CHRNA4: variants seen among roughly 807,000 people sequenced by gnomAD.
CHRNA4 encodes the protein cholinergic receptor nicotinic alpha 4 subunit.
A neutral mutation model predicts 48.9 loss-of-function variants in CHRNA4; 28 were observed. The observed-to-expected ratio is 0.57, with a 90% CI of 0.42 to 0.79. The LOEUF is 0.79. Among genes scored for constraint, CHRNA4 ranks in the 30% least tolerant of loss-of-function variants. The pLI is 0.00. For synonymous variants in CHRNA4, 425 were observed against 402.3 expected, an observed-to-expected ratio of 1.06 and a Z score of -0.68; for missense variants, 859 against 898.4, an observed-to-expected ratio of 0.96 and a Z score of 0.56.
At chr20:63,359,741 C>A (rs1442249123) in intron 1 of CHRNA4, 42 bp from the exon 2 acceptor site, 1 of 1,602,124 alleles carries the variant, frequency 6.2e-7, no homozygotes, top group Admixed American at 1.7e-5. Context: ...GCAGGCGGGA[C>A]AGGAGCCGGG....
At chr20:63,349,160 C>G (rs568847986) in intron 5 of CHRNA4, among the ~76,000 whole-genome samples, 1 of 152,304 alleles carries the variant, frequency 6.6e-6, no homozygotes, top group South Asian at 2.1e-4. Context: ...CCTCCTGCCA[C>G]CAGCCCATCC....
chr20:63,355,031 G>A (rs1375689451), intron 4 of CHRNA4, among the ~76,000 whole-genome samples: 1 of 152,162 alleles, frequency 6.6e-6, no homozygotes, highest in Non-Finnish European at 1.5e-5. Context: ...TAGGTCAGGC[G>A]GGTGCCCTGG....
At position 63,360,839 on chromosome 20, in the gene CHRNA4, AC is replaced by A. The variant is rs374280137; in HGVS notation, c.76+250del. ...GGGCCAGCCCTGAAATAGCAGCGGA[AC>A]CCCCCACACCCCGCGGAAAGCCCCT... On this transcript the variant is annotated intron_variant, in intron 1 of 5. Coordinates refer to ENST00000370263, the MANE Select transcript of CHRNA4 (RefSeq NM_000744.7). 9.9e-4 allele frequency: 389 copies of A among 392,240 alleles called. 1 individual carries two copies. The highest frequency in any genetic ancestry group is 7.3e-3 in the African/African-American group (350 of 47,942). 24.3% of individuals were successfully genotyped at this position (392,240 alleles called of 1,614,324 possible).
At chr20:63,359,987 T>C in intron 1 of CHRNA4, 1 of 416,534 alleles carries the variant, frequency 2.4e-6, no homozygotes, top group Non-Finnish European at 4.5e-6. Flanking sequence ...CCCCTGGGTG[T>C]AATTGTGATT....
At chr20:63,358,298 T>C (rs1343157220) in intron 2 of CHRNA4, among the ~76,000 whole-genome samples, 1 of 152,008 alleles carries the variant, frequency 6.6e-6, no homozygotes, top group Non-Finnish European at 1.5e-5. Context: ...TCCCCACACC[T>C]CCCAAAAGCC....
chr20:63,352,030 G>A (rs1056546314), intron 4 of CHRNA4, among the ~76,000 whole-genome samples: 3 of 152,206 alleles, frequency 2.0e-5, no homozygotes, highest in Admixed American at 1.3e-4. Context: ...CCCAGCGTTG[G>A]CAGGCATGGG....
Position 63,344,541 on chromosome 20 carries a change from AC to A in CHRNA4, c.*2196del, listed in dbSNP as rs1568801996. On this transcript the variant is annotated 3_prime_UTR_variant, in exon 6 of 6. Coordinates refer to ENST00000370263, the MANE Select transcript of CHRNA4 (RefSeq NM_000744.7). The surrounding 1 kb of genome is among the most constrained non-coding windows in gnomAD (Gnocchi z 4.5). ...GGGGTCTTCCCCCAGGCAAGCGGCC[AC>A]CCCCGGCAGGAGGGTCCCCCGGCAG... The A allele has an allele frequency of 4.5e-6, 2 of 449,400 alleles. No homozygotes were observed. Among genetic ancestry groups the A allele is most frequent in the Non-Finnish European group, 8.9e-6 (2 of 225,892 alleles). 27.8% of individuals were successfully genotyped at this position (449,400 alleles called of 1,614,324 possible).
Position 63,343,695 on chromosome 20 carries a change from C to A in CHRNA4, c.*3043G>T. ...AGGGGCTGGGAAGCCCTGGCCAGGG[C>A]CTTCACTGGGGCCTCCCCTGGGAAG... On this transcript the variant is annotated 3_prime_UTR_variant, in exon 6 of 6. Coordinates refer to ENST00000370263, the MANE Select transcript of CHRNA4 (RefSeq NM_000744.7). 1 of 445,808 alleles carries A rather than the reference C, an allele frequency of 2.2e-6. No individual in the cohort carries two copies. The highest frequency in any genetic ancestry group is 4.5e-6 in the Non-Finnish European group (1 of 221,476). 27.6% of individuals were successfully genotyped at this position (445,808 alleles called of 1,614,324 possible). A position where few individuals can be genotyped will look rare whatever the true frequency, so the allele number is the denominator to read the frequency against.
chr20:63,350,197 G>A lies in CHRNA4; in HGVS notation c.1214C>T (p.Ser405Leu), dbSNP rs1568808891. ...TSGTQSLHPP[S>L]PSFCVPLDVP... The stretch of plus-strand genomic sequence containing the variant: ...ATCCAGGGGGACACAGAAGGACGGT[G>A]AGGGCGGGTGCAGGCTCTGGGTGCC... The change falls in exon 5 of 6, where the codon TCA becomes TTA. Residue 405 changes from serine (S) to leucine (L), a missense_variant. Ser to Leu is a moderately radical substitution (Grantham distance 145, BLOSUM62 -2). Coordinates refer to ENST00000370263, the MANE Select transcript of CHRNA4 (RefSeq NM_000744.7). The A allele has an allele frequency of 1.2e-6, 2 of 1,600,152 alleles. No individual in the cohort carries two copies. Among genetic ancestry groups the A allele is most frequent in the Non-Finnish European group, 1.7e-6 (2 of 1,172,694 alleles).
At position 63,345,235 on chromosome 20, in the gene CHRNA4, C is replaced by T. The variant is rs202229457; in HGVS notation, c.*1503G>A. The stretch of plus-strand genomic sequence containing the variant: ...GACAGAGGAATGAGACTCAGTGGGA[C>T]GCAGAGCCCAACCCCATCCCCACCC... On this transcript the variant is annotated 3_prime_UTR_variant, in exon 6 of 6. Transcript: ENST00000370263. The surrounding 1 kb of genome is among the most constrained non-coding windows in gnomAD (Gnocchi z 5.4). 12 of 448,306 alleles carry T rather than the reference C, an allele frequency of 2.7e-5. 1 individual carries two copies. Among genetic ancestry groups the T allele is most frequent in the Non-Finnish European group, 4.9e-5 (11 of 222,512 alleles). 27.8% of individuals were successfully genotyped at this position (448,306 alleles called of 1,614,324 possible).
At position 63,355,476 on chromosome 20, in the gene CHRNA4, A is replaced by T. The variant is rs546972289; in HGVS notation, c.383+499T>A. 3.2e-5 allele frequency: 41 copies of T among 1,268,120 alleles called. 1 individual carries two copies. In the South Asian group the frequency reaches 5.1e-4, roughly 16 times the overall value. 78.6% of individuals were successfully genotyped at this position (1,268,120 alleles called of 1,614,324 possible). A position where few individuals can be genotyped will look rare whatever the true frequency, so the allele number is the denominator to read the frequency against. On this transcript the variant is annotated intron_variant, in intron 4 of 5. Transcript: ENST00000370263. ...AAGCAGAGGCCCTAGTGGCATGAGAACCATCTGGGGCTTCCTCACCCCTCT... is the reference window on the plus strand; with the variant it reads ...AAGCAGAGGCCCTAGTGGCATGAGATCCATCTGGGGCTTCCTCACCCCTCT...
intron 1 of CHRNA4, 172 bp from the exon 2 acceptor site, chr20:63,359,871 G>GTGTGTGTGTGTGCGCGCCGGGCGTGCGC: frequency 7.8e-6 from 4 of 511,646 alleles, no homozygotes; most frequent in Non-Finnish European, 9.8e-6. Context: ...CGTGCGCTCT[G>GTGTGTGTGTGTGCGCGCCGGGCGTGCGC]TGTGTGTGTG....
At position 63,344,562 on chromosome 20, in the gene CHRNA4, C is replaced by T. The variant is rs942235533; in HGVS notation, c.*2176G>A. The T allele has an allele frequency of 1.8e-5, 8 of 453,392 alleles. No homozygotes were observed. The highest frequency in any genetic ancestry group is 4.0e-5 in the African/African-American group (2 of 49,860). The allele number at this position is 453,392 out of a possible 1,614,324, so 28.1% of individuals were successfully genotyped here. On this transcript the variant is annotated 3_prime_UTR_variant, in exon 6 of 6. Transcript: ENST00000370263. This position sits in a 1 kb window ranked among gnomAD's most constrained non-coding sequence, Gnocchi z 4.5. ...GGCCACCCCCGGCAGGAGGGTCCCC[C>T]GGCAGGAGCGTCCCAGCCACTCCGC...
Position 63,346,792 on chromosome 20 carries a change from G to C in CHRNA4, c.1830C>G (p.Cys610Trp). Residue 610 changes from cysteine (C) to tryptophan (W), a missense_variant, in exon 6 of 6, where the codon TGC (cysteine) becomes TGG (tryptophan). Around this residue, in one of 3 missense-constraint regions of CHRNA4, gnomAD observed 478 missense variants for 455.4 expected, o/e 1.05. Transcript: ENST00000370263. ...GGAAGAGGCCCACCGTCCCCAGCAGGCAGACGATGATGAACATCCAGAGGA... is the reference window on the plus strand; with the variant it reads ...GGAAGAGGCCCACCGTCCCCAGCAGCCAGACGATGATGAACATCCAGAGGA... ...RIFLWMFIIV[C>W]LLGTVGLFLP... is the part of the protein sequence containing the mutation. 1 of 1,612,504 alleles carries C rather than the reference G, an allele frequency of 6.2e-7. No individual in the cohort carries two copies. Among genetic ancestry groups the C allele is most frequent in the Non-Finnish European group, 8.5e-7 (1 of 1,179,708 alleles).
chr20:63,361,157 T>A lies in CHRNA4; in HGVS notation c.9A>T (p.Leu3=). The part of the protein sequence containing the change: ME[L]GGPGAPRLLP... The stretch of plus-strand genomic sequence containing the variant: ...GCAGCCGCGGCGCTCCGGGGCCCCC[T>A]AGCTCCATGGCGCACGCACCTCGCG... Residue 3 remains leucine, a synonymous_variant, in exon 1 of 6, where the codon CTA becomes CTT. Transcript: ENST00000370263. 6.8e-7 allele frequency: 1 copy of A among 1,479,930 alleles called. No homozygotes were observed. The highest frequency in any genetic ancestry group is 8.9e-7 in the Non-Finnish European group (1 of 1,121,552). The allele number at this position is 1,479,930 out of a possible 1,614,324, so 91.7% of individuals were successfully genotyped here.
In CHRNA4 at chr20:63,350,982, C is replaced by T; in HGVS notation, c.429G>A (p.Leu143=). 6.2e-7 allele frequency: 1 copy of T among 1,613,748 alleles called. No individual in the cohort carries two copies. Among genetic ancestry groups the T allele is most frequent in the Non-Finnish European group, 8.5e-7 (1 of 1,180,012 alleles). The change falls in exon 5 of 6, where the codon CTG becomes CTA. Residue 143 remains leucine, a synonymous_variant. Transcript: ENST00000370263. ...TCCACTGCACCCGCCCGTCATGGAACAGGTGGGCCTTGGTCAGGTGGGTGA... is the reference window on the plus strand; with the variant it reads ...TCCACTGCACCCGCCCGTCATGGAATAGGTGGGCCTTGGTCAGGTGGGTGA... The part of the protein sequence containing the change: ...FAVTHLTKAH[L]FHDGRVQWTP...
At position 63,350,075 on chromosome 20, in the gene CHRNA4, G is replaced by A; in HGVS notation, c.1336C>T (p.Pro446Ser). Residue 446 changes from proline (P) to serine (S), a missense_variant, in exon 5 of 6, where the codon CCT becomes TCT. Around this residue, in one of 3 missense-constraint regions of CHRNA4, gnomAD observed 478 missense variants for 455.4 expected, o/e 1.05. Transcript: ENST00000370263. ...EAEKASPHPSPGPCRPPHGTQ... is the reference protein window; with the variant it reads ...EAEKASPHPSSGPCRPPHGTQ... Reference sequence around the variant, plus strand: ...CCGTGGGGCGGGCGGCAGGGTCCAGGCGAGGGGTGGGGGCTGGCTTTCTCA... The same window carrying A: ...CCGTGGGGCGGGCGGCAGGGTCCAGACGAGGGGTGGGGGCTGGCTTTCTCA... The A allele has an allele frequency of 6.6e-7, 1 of 1,520,754 alleles. No homozygotes were observed. Among genetic ancestry groups the A allele is most frequent in the South Asian group, 1.3e-5 (1 of 76,970 alleles). The allele number at this position is 1,520,754 out of a possible 1,614,324, so 94.2% of individuals were successfully genotyped here.
chr20:63,356,251 G>A, intron 3 of CHRNA4, 120 bp downstream of exon 3: 2 of 908,848 alleles, frequency 2.2e-6, no homozygotes, highest in Non-Finnish European at 3.3e-6. Context: ...AGCAGGGTGA[G>A]GGGTGTGAGG....
chr20:63,350,874 GA>G lies in CHRNA4; in HGVS notation c.536del (p.Phe179SerfsTer14). The G allele has an allele frequency of 6.2e-7, 1 of 1,614,020 alleles. No individual in the cohort carries two copies. The highest frequency in any genetic ancestry group is 8.5e-7 in the Non-Finnish European group (1 of 1,180,012). On this transcript the variant is annotated frameshift_variant, in exon 5 of 6. Transcript: ENST00000370263. LOFTEE classifies it high-confidence loss of function. ...TGGCCTTGTCGTAGGTCCAGGAGCC[GA>G]ATTTCATGGTGCAGTTCTGCTGGTC... ...PFDQQNCTMK[F>X]GSWTYDKAKI...
Sources: gnomAD v4.1 joint callset for allele counts (sites outside exome capture counted in the v4.1 genomes callset) on GRCh38, gnomAD v4.1.1 for gene constraint, gnomAD v4.1.1 regional missense constraint, Gnocchi (gnomAD v3.1) non-coding constraint, MANE v1.5 for transcripts, NCBI Gene and HGNC (gene_info 2026-07-23, HGNC 2026-07-21) for gene names.